RERG: variants seen among roughly 807,000 people sequenced by gnomAD.
RERG encodes the protein ras-related and estrogen-regulated growth inhibitor.
RERG carries 25 observed loss-of-function variants against 23.2 expected under a neutral mutation model. That is an observed-to-expected ratio of 1.08 (90% CI 0.79 to 1.50). RERG has a LOEUF of 1.50. RERG is among the 40% of genes most tolerant of loss of function. RERG has a pLI of 0.00. For missense variants in RERG, 253 were observed against 250.1 expected (o/e 1.01, Z -0.08); for synonymous variants, 81 against 89.1 (o/e 0.91, Z 0.51).
chr12:15,198,137 A>G (rs1019145128), intron 2 of RERG, among the ~76,000 whole-genome samples: 2 of 151,426 alleles, frequency 1.3e-5, no homozygotes, highest in Non-Finnish European at 2.9e-5. Context: ...TTTTCTCTCC[A>G]TTTTCCTATC....
chr12:15,195,679 G>A (rs759530686), intron 2 of RERG, among the ~76,000 whole-genome samples: 9 of 151,326 alleles, frequency 5.9e-5, no homozygotes, highest in Non-Finnish European at 8.8e-5. Flanking sequence ...ATTGAACTGC[G>A]GTCAAAGGAT....
chr12:15,179,141 G>A (rs983007632), intron 2 of RERG, among the ~76,000 whole-genome samples: 5 of 152,164 alleles, frequency 3.3e-5, no homozygotes, highest in African/African-American at 1.2e-4. Context: ...TAGTAGCAAT[G>A]TGTGTATATG....
At chr12:15,146,000 G>T (rs1197317329) in intron 2 of RERG, among the ~76,000 whole-genome samples, 1 of 152,172 alleles carries the variant, frequency 6.6e-6, no homozygotes, top group Non-Finnish European at 1.5e-5. Flanking sequence ...CAAGCCCTTT[G>T]GGAGAAATGT....
At chr12:15,207,722 A>G (rs1364983513) in intron 2 of RERG, among the ~76,000 whole-genome samples, 1 of 150,878 alleles carries the variant, frequency 6.6e-6, no homozygotes, top group Non-Finnish European at 1.5e-5. Context: ...AAACCAAGAG[A>G]CTTTTTGTAG....
chr12:15,144,651 C>T (rs371491987), intron 2 of RERG, among the ~76,000 whole-genome samples: 2 of 152,050 alleles, frequency 1.3e-5, no homozygotes, highest in African/African-American at 4.8e-5. Context: ...TGGATGACAG[C>T]GTGAATGGAG....
chr12:15,194,522 C>T (rs1865116698), intron 2 of RERG, among the ~76,000 whole-genome samples: 1 of 140,642 alleles, frequency 7.1e-6, no homozygotes, highest in Admixed American at 7.1e-5. Context: ...AAAAAAAAAG[C>T]TTGGTGTTCA....
At chr12:15,131,580 C>T (rs1365336482) in intron 2 of RERG, among the ~76,000 whole-genome samples, 1 of 152,120 alleles carries the variant, frequency 6.6e-6, no homozygotes, top group Admixed American at 6.5e-5. Flanking sequence ...AAGAAATTGA[C>T]AACCGAAAAC....
Position 15,146,601 on chromosome 12 carries a change from C to G in RERG, c.62-25482G>C, listed in dbSNP as rs140936802. Reference sequence around the variant, plus strand: ...CTAGTCATGCTGCCCTATTGGAAATCAAATCTGGGACTGTCAATTTGAAAG... The same window carrying G: ...CTAGTCATGCTGCCCTATTGGAAATGAAATCTGGGACTGTCAATTTGAAAG... On this transcript the variant is annotated intron_variant, in intron 2 of 4. Transcript: ENST00000256953. Among the ~76,000 whole-genome samples the G allele has an allele frequency of 3.5e-4, 53 of 152,302 alleles. No individual in the cohort carries two copies. In the East Asian group the frequency reaches 9.3e-3, roughly 27 times the overall value.
intron 2 of RERG, among the ~76,000 whole-genome samples, chr12:15,178,717 A>T (rs1028433484): frequency 6.6e-5 from 10 of 152,212 alleles, no homozygotes; most frequent in Non-Finnish European, 1.5e-4. Context: ...GACTCCTACG[A>T]ACCTCTAAGA....
At chr12:15,193,576 C>T (rs1865101697) in intron 2 of RERG, among the ~76,000 whole-genome samples, 1 of 152,132 alleles carries the variant, frequency 6.6e-6, no homozygotes. Flanking sequence ...TCCCATGCTG[C>T]CCACACTGGG....
At chr12:15,135,716 A>C (rs1181458055) in intron 2 of RERG, among the ~76,000 whole-genome samples, 1 of 151,826 alleles carries the variant, frequency 6.6e-6, no homozygotes, top group Non-Finnish European at 1.5e-5. Context: ...TTAATTTTTG[A>C]ATGTCAACCG....
intron 2 of RERG, among the ~76,000 whole-genome samples, chr12:15,135,242 T>C (rs2136098332): frequency 6.6e-6 from 1 of 152,334 alleles, no homozygotes; most frequent in South Asian, 2.1e-4. Context: ...ATTGTTGATA[T>C]ATAGGAAAGT....
chr12:15,114,475 T>C (rs1054811280), intron 3 of RERG: 3 of 152,264 alleles, frequency 2.0e-5, no homozygotes, highest in South Asian at 4.1e-4. Context: ...CAAAAACATA[T>C]ATCAAATGAT....
At chr12:15,187,893 C>A (rs140901417) in intron 2 of RERG, among the ~76,000 whole-genome samples, 3 of 152,094 alleles carry the variant, frequency 2.0e-5, no homozygotes, top group African/African-American at 7.2e-5. Flanking sequence ...AGATGAATTA[C>A]AGACTTTATT....
chr12:15,115,881 G>A (rs1347463708), intron 3 of RERG, among the ~76,000 whole-genome samples: 1 of 152,132 alleles, frequency 6.6e-6, no homozygotes, highest in African/African-American at 2.4e-5. Flanking sequence ...GTACTGTGTA[G>A]TGATCATTGC....
At chr12:15,144,366 C>A (rs1864293980) in intron 2 of RERG, among the ~76,000 whole-genome samples, 1 of 152,026 alleles carries the variant, frequency 6.6e-6, no homozygotes, top group African/African-American at 2.4e-5. Context: ...TATTTAAAGC[C>A]ACAAGATTGG....
chr12:15,163,919 GA>G (rs1565525104), intron 2 of RERG, among the ~76,000 whole-genome samples: 4 of 152,184 alleles, frequency 2.6e-5, no homozygotes, highest in Non-Finnish European at 5.9e-5. Context: ...CGGAGAGAGA[GA>G]GGAGAGTGGA....
intron 2 of RERG, among the ~76,000 whole-genome samples, chr12:15,201,362 C>G (rs1865211995): frequency 6.6e-6 from 1 of 151,738 alleles, no homozygotes; most frequent in Non-Finnish European, 1.5e-5. Context: ...CTGCTGAAAT[C>G]CCATCACTGC....
At chr12:15,186,462 A>C (rs1189244576) in intron 2 of RERG, among the ~76,000 whole-genome samples, 1 of 152,250 alleles carries the variant, frequency 6.6e-6, no homozygotes, top group African/African-American at 2.4e-5. Context: ...AAGGAAGATA[A>C]AAAATAGTTT....
Sources: allele counts gnomAD v4.1 joint callset (sites outside exome capture counted in the v4.1 genomes callset), GRCh38; gene constraint gnomAD v4.1.1; transcripts MANE v1.5; gene names NCBI Gene and HGNC (gene_info 2026-07-23, HGNC 2026-07-21).